The following WDR17 variants were observed in gnomAD, a reference collection of about 807,000 sequenced individuals.
The protein encoded by WDR17 is WD repeat-containing protein 17.
WDR17 carries 143 observed loss-of-function variants against 161.7 expected under a neutral mutation model. The ratio of observed to expected loss-of-function variants is 0.88; its 90% CI spans 0.77 to 1.02. WDR17 has a LOEUF of 1.02. Among genes scored for constraint, WDR17 ranks in the 50% least tolerant of loss-of-function variants. The probability of loss-of-function intolerance (pLI) is 0.00; values close to 1 mark genes in which losing one functional copy is unlikely to be tolerated. For missense variants in WDR17, 1,469 were observed against 1,520.9 expected (o/e 0.97, Z 0.57); for synonymous variants, 517 against 515.6 (o/e 1.00, Z -0.04).
At chr4:176,107,482 C>T (rs1738933868) in intron 1 of WDR17, among the ~76,000 whole-genome samples, 1 of 150,014 alleles carries the variant, frequency 6.7e-6, no homozygotes, top group Admixed American at 6.7e-5. Context: ...TTTGTACATC[C>T]GTTTTCATAG....
At chr4:176,095,316 C>A (rs1211397474) in intron 1 of WDR17, among the ~76,000 whole-genome samples, 1 of 152,116 alleles carries the variant, frequency 6.6e-6, no homozygotes, top group Non-Finnish European at 1.5e-5. Flanking sequence ...TCAAGGAAGT[C>A]ATCGAAATGT....
Position 176,146,093 on chromosome 4 carries a change from C to G in WDR17, c.1628C>G (p.Ala543Gly), listed in dbSNP as rs1746115638. 1 of 1,613,872 alleles carries G rather than the reference C, an allele frequency of 6.2e-7. No individual in the cohort carries two copies. Among genetic ancestry groups the G allele is most frequent in the Non-Finnish European group, 8.5e-7 (1 of 1,179,952 alleles). The change falls in exon 12 of 29, where the codon GCA (alanine) becomes GGA (glycine). Residue 543 changes from alanine to glycine, a missense_variant. Coordinates refer to ENST00000508596, the MANE Select transcript of WDR17 (RefSeq NM_181265.4). ...QPLKVFSGHT[A>G]KVFHVKWSPL... ...TTGAAAGTATTTAGTGGGCATACAG[C>G]AAAAGTGTTTCATGTTAAATGGTCT...
intron 23 of WDR17, among the ~76,000 whole-genome samples, chr4:176,172,027 G>C (rs1212186806): frequency 6.6e-6 from 1 of 152,110 alleles, no homozygotes; most frequent in Non-Finnish European, 1.5e-5. Flanking sequence ...GTTATGGTCA[G>C]TATATTTTTT....
intron 1 of WDR17, among the ~76,000 whole-genome samples, chr4:176,070,415 TCAGA>T (rs928380006): frequency 2.6e-5 from 4 of 152,196 alleles, no homozygotes; most frequent in Non-Finnish European, 5.9e-5. Context: ...CAAATTAAAA[TCAGA>T]CTTATTTCAG....
Position 176,182,314 on chromosome 4 carries a change from G to A in WDR17, c.*2735G>A, listed in dbSNP as rs1273406589. 6.6e-6 allele frequency: 1 copy of A among 151,378 alleles called. No homozygotes were observed. The highest frequency in any genetic ancestry group is 1.5e-5 in the Non-Finnish European group (1 of 67,812). The allele number at this position is 151,378 out of a possible 1,614,324, so 9.4% of individuals were successfully genotyped here. The stretch of plus-strand genomic sequence containing the variant: ...ATAGTTACATCTTGTGAAAATATAT[G>A]ATTTTTATGTCAATCAAGACAAATG... On this transcript the variant is annotated 3_prime_UTR_variant, in exon 29 of 29. Transcript: ENST00000508596. This position sits in a 1 kb window ranked among gnomAD's most constrained non-coding sequence, Gnocchi z 4.2.
chr4:176,118,494 C>G (rs114867393), intron 3 of WDR17, among the ~76,000 whole-genome samples: 194 of 152,220 alleles, frequency 1.3e-3, no homozygotes, highest in African/African-American at 4.2e-3. Flanking sequence ...CATTATGGGT[C>G]AGGCCCTGAA....
chr4:176,129,565 T>C (rs948765848), intron 6 of WDR17, among the ~76,000 whole-genome samples: 12 of 152,162 alleles, frequency 7.9e-5, no homozygotes, highest in African/African-American at 2.9e-4. Context: ...GTTCCCATTC[T>C]GTATAACACA....
At chr4:176,142,129 A>G (rs1318393380) in intron 11 of WDR17, 60 bp downstream of exon 11, 7 of 1,417,232 alleles carry the variant, frequency 4.9e-6, no homozygotes, top group East Asian at 2.3e-5. Context: ...TTAAATAACC[A>G]TAAAGTTTAG....
Position 176,154,994 on chromosome 4 carries a change from A to G in WDR17, c.2461-1085A>G, listed in dbSNP as rs565923289. On this transcript the variant is annotated intron_variant, in intron 17 of 28. Coordinates refer to ENST00000508596, the MANE Select transcript of WDR17 (RefSeq NM_181265.4). ...TTTTAAATATGAAGACAAGTATTAT[A>G]TTATCAGTTAAATGAAGAAATGACA... 2.8e-3 allele frequency among the ~76,000 whole-genome samples: 424 copies of G among 152,286 alleles called. 1 individual carries two copies. Among genetic ancestry groups the G allele is most frequent in the African/African-American group, 9.8e-3 (406 of 41,580 alleles).
chr4:176,165,168 C>A (rs868197419), intron 22 of WDR17, among the ~76,000 whole-genome samples: 273 of 116,342 alleles, frequency 2.3e-3, no homozygotes, highest in Middle Eastern at 4.5e-3. Context: ...CTCTAAAATA[C>A]AAAAAAAAAA....
chr4:176,139,818 T>C (rs569756151), intron 9 of WDR17, 74 bp from the exon 10 acceptor site: 493 of 1,230,658 alleles, frequency 4.0e-4, no homozygotes, highest in Admixed American at 4.4e-4. Flanking sequence ...AAGTAATACT[T>C]AGAAGAAGTA....
chr4:176,134,245 CTTA>C (rs1744022231), intron 7 of WDR17, among the ~76,000 whole-genome samples: 1 of 151,702 alleles, frequency 6.6e-6, no homozygotes, highest in Non-Finnish European at 1.5e-5. Flanking sequence ...CTTCTCTACC[CTTA>C]TTCTATTTGT....
chr4:176,120,391 T>C (rs28421750), intron 4 of WDR17, among the ~76,000 whole-genome samples: 37,947 of 150,358 alleles, frequency 0.25, 4,945 homozygotes, highest in African/African-American at 0.29. Context: ...CTTATTTGTA[T>C]TTTTAATCAA....
chr4:176,174,323 A>G (rs1751160843), intron 25 of WDR17, among the ~76,000 whole-genome samples: 1 of 152,190 alleles, frequency 6.6e-6, no homozygotes, highest in Non-Finnish European at 1.5e-5. Context: ...CAAAGGAGCT[A>G]TTTAGGGATA....
rs529495429 is a variant in WDR17 at position 176,074,194 on chromosome 4, G to T, written c.-7+8115G>T. ...CCTTGCCCATGCCTATGTCCTGAATGGTATTGCCTAAGTTTTCTTCTAGGG... is the reference window on the plus strand; with the variant it reads ...CCTTGCCCATGCCTATGTCCTGAATTGTATTGCCTAAGTTTTCTTCTAGGG... On this transcript the variant is annotated intron_variant, in intron 1 of 28. Coordinates refer to ENST00000508596, the MANE Select transcript of WDR17 (RefSeq NM_181265.4). 1.4e-4 allele frequency among the ~76,000 whole-genome samples: 21 copies of T among 149,652 alleles called. No individual in the cohort carries two copies. In the South Asian group the frequency reaches 4.4e-3, roughly 31 times the overall value.
Position 176,135,148 on chromosome 4 carries a change from A to G in WDR17, c.1139A>G (p.Asp380Gly), listed in dbSNP as rs774475799. 1.2e-6 allele frequency: 2 copies of G among 1,612,176 alleles called. No individual in the cohort carries two copies. Among genetic ancestry groups the G allele is most frequent in the Admixed American group, 3.3e-5 (2 of 59,912 alleles). Reference protein sequence around the residue: ...ETIFDCKFKPDDPNLLATASF... With the variant: ...ETIFDCKFKPGDPNLLATASF... ...ATCTTTGACTGCAAATTCAAACCTG[A>G]CGATCCTAATCTTTTAGCAACAGCT... The change falls in exon 8 of 29, where the codon GAC (aspartate) becomes GGC (glycine). Residue 380 changes from aspartate to glycine, a missense_variant. Coordinates refer to ENST00000508596, the MANE Select transcript of WDR17 (RefSeq NM_181265.4).
intron 23 of WDR17, 105 bp from the exon 24 acceptor site, chr4:176,172,270 A>G: frequency 1.0e-6 from 1 of 999,900 alleles, no homozygotes; most frequent in Non-Finnish European, 1.5e-6. Context: ...AGATAACTTT[A>G]ATAAGAAAAC....
chr4:176,140,123 A>G (rs1051389771), intron 10 of WDR17, 149 bp downstream of exon 10: 6 of 511,250 alleles, frequency 1.2e-5, no homozygotes, highest in South Asian at 4.5e-5. Context: ...GGCACATACT[A>G]TATTGCTATG....
At chr4:176,178,385 A>G (rs943193041) in intron 28 of WDR17, among the ~76,000 whole-genome samples, 9 of 152,210 alleles carry the variant, frequency 5.9e-5, no homozygotes, top group Non-Finnish European at 1.0e-4. Flanking sequence ...TATTTGGAGT[A>G]TGTCATCATT....
Sources: gnomAD v4.1 joint callset for allele counts (sites outside exome capture counted in the v4.1 genomes callset) on GRCh38, gnomAD v4.1.1 for gene constraint, Gnocchi (gnomAD v3.1) non-coding constraint, MANE v1.5 for transcripts, NCBI Gene and HGNC (gene_info 2026-07-23, HGNC 2026-07-21) for gene names.